ITPKB: variants seen among roughly 807,000 people sequenced by gnomAD.
ITPKB encodes inositol-trisphosphate 3-kinase B.
In ITPKB, 13 loss-of-function variants were observed where a neutral mutation model predicts 69.4. That is an observed-to-expected ratio of 0.19 (90% CI 0.12 to 0.30). The LOEUF is 0.30. Ranked by LOEUF, ITPKB falls within the 10% of genes least tolerant of loss-of-function variation. The probability of loss-of-function intolerance (pLI) is 1.00; values close to 1 mark genes in which losing one functional copy is unlikely to be tolerated. For missense variants in ITPKB, 1,240 were observed against 1,250.5 expected, an observed-to-expected ratio of 0.99 and a Z score of 0.13; for synonymous variants, 584 against 513.7, an observed-to-expected ratio of 1.14 and a Z score of -1.85.
chr1:226,671,972 A>G (rs550416327), intron 2 of ITPKB, among the ~76,000 whole-genome samples: 1 of 152,242 alleles, frequency 6.6e-6, no homozygotes, highest in South Asian at 2.1e-4. Flanking sequence ...TTGAGTGAGG[A>G]GTGTCATAGT....
In ITPKB at chr1:226,689,570, TG is replaced by T. The variant is rs1172438501; in HGVS notation, c.1933-40800del. Among the ~76,000 whole-genome samples the T allele has an allele frequency of 9.7e-3, 103 of 10,594 alleles. 1 individual carries two copies. Among genetic ancestry groups the T allele is most frequent in the South Asian group, 0.089 (36 of 406 alleles). The allele number at this position is 10,594 out of a possible 152,430, so 7.0% of individuals were successfully genotyped here. A position where few individuals can be genotyped will look rare whatever the true frequency, so the allele number is the denominator to read the frequency against. ...TTTTCCTTTGTCGGAAGGTTTTATT[TG>T]TGTGTGTGTGTGTGTGTGTGTGTGT... On this transcript the variant is annotated intron_variant, in intron 2 of 7. Transcript: ENST00000429204.
chr1:226,638,091 C>T (rs113370468), intron 6 of ITPKB, among the ~76,000 whole-genome samples: 22 of 152,338 alleles, frequency 1.4e-4, no homozygotes, highest in African/African-American at 5.1e-4. Context: ...CCCGGGCTGC[C>T]TTGGGAAGCT....
chr1:226,711,327 G>A lies in ITPKB; in HGVS notation c.1932+24200C>T, dbSNP rs145495150. On this transcript the variant is annotated intron_variant, in intron 2 of 7. Transcript: ENST00000429204. ...CTCCAGTTCGATATCCTCTTGAGAT[G>A]TTGCCAAGGTAAATAATTCCTTGCA... 2.0e-4 allele frequency among the ~76,000 whole-genome samples: 31 copies of A among 151,820 alleles called. No homozygotes were observed. The East Asian group carries it at 5.4e-3, about 27-fold the overall frequency.
At chr1:226,685,716 G>C (rs1656192166) in intron 2 of ITPKB, among the ~76,000 whole-genome samples, 2 of 152,346 alleles carry the variant, frequency 1.3e-5, no homozygotes, top group South Asian at 4.1e-4. Flanking sequence ...TGCTGGGCTG[G>C]AATGTTCAGC....
chr1:226,718,570 A>C (rs763536851), intron 2 of ITPKB, among the ~76,000 whole-genome samples: 13 of 152,130 alleles, frequency 8.5e-5, no homozygotes, highest in African/African-American at 3.1e-4. Context: ...CCTGCACCCC[A>C]ACCCGGGCAA....
At chr1:226,700,496 A>C (rs12723531) in intron 2 of ITPKB, among the ~76,000 whole-genome samples, 56 of 120,366 alleles carry the variant, frequency 4.7e-4, no homozygotes, top group African/African-American at 1.4e-3. Context: ...AAAAAAAAAA[A>C]CCCAGAACTT....
At position 226,632,518 on chromosome 1, in the gene ITPKB, A is replaced by AG. The variant is rs113989266; in HGVS notation, c.*2152_*2153insC. 2 of 117,982 alleles carry AG rather than the reference A, an allele frequency of 1.7e-5. No individual in the cohort carries two copies. Among genetic ancestry groups the AG allele is most frequent in the Admixed American group, 7.9e-5 (1 of 12,738 alleles). The allele number at this position is 117,982 out of a possible 1,614,324, so 7.3% of individuals were successfully genotyped here. A position where few individuals can be genotyped will look rare whatever the true frequency, so the allele number is the denominator to read the frequency against. On this transcript the variant is annotated 3_prime_UTR_variant, in exon 8 of 8. Coordinates refer to ENST00000429204, the MANE Select transcript of ITPKB (RefSeq NM_002221.4). ...TAGCACGGTAAATACAAAAAAAGAG[A>AG]AAAAAAAAACAGAAAACAAAAACCC... is the stretch of plus-strand genomic sequence containing the variant.
At chr1:226,714,321 C>T (rs1657044127) in intron 2 of ITPKB, among the ~76,000 whole-genome samples, 1 of 152,252 alleles carries the variant, frequency 6.6e-6, no homozygotes, top group South Asian at 2.1e-4. Flanking sequence ...GAGACCACAG[C>T]TGACCCAGAT....
chr1:226,634,715 C>G lies in ITPKB; in HGVS notation c.2797G>C (p.Val933Leu), dbSNP rs554325553. Reference sequence around the variant, plus strand: ...TGGGACATCTCGGTCAGGATGTCGACGAGGTTATTGAGCCCCGAGAGGTAG... The same window carrying G: ...TGGGACATCTCGGTCAGGATGTCGAGGAGGTTATTGAGCCCCGAGAGGTAG... ...DGYLSGLNNLVDILTEMSQDA... is the reference protein window; with the variant it reads ...DGYLSGLNNLLDILTEMSQDA... The change falls in exon 8 of 8, where the codon GTC (valine) becomes CTC (leucine). Residue 933 changes from valine to leucine, a missense_variant. Val to Leu is a conservative substitution (Grantham distance 32, BLOSUM62 1). Transcript: ENST00000429204. The surrounding 1 kb of genome is among the most constrained non-coding windows in gnomAD (Gnocchi z 6.3). The G allele has an allele frequency of 2.0e-6, 2 of 981,550 alleles. No homozygotes were observed. The highest frequency in any genetic ancestry group is 3.4e-5 in the Admixed American group (2 of 59,248). 60.8% of individuals were successfully genotyped at this position (981,550 alleles called of 1,614,324 possible).
intron 2 of ITPKB, among the ~76,000 whole-genome samples, chr1:226,716,990 G>A (rs1267059677): frequency 6.6e-6 from 1 of 152,158 alleles, no homozygotes; most frequent in East Asian, 1.9e-4. Context: ...CATACCGAGG[G>A]AGAAATAACC....
At chr1:226,674,736 C>T (rs1298198349) in intron 2 of ITPKB, among the ~76,000 whole-genome samples, 2 of 152,070 alleles carry the variant, frequency 1.3e-5, no homozygotes, top group African/African-American at 2.4e-5. Flanking sequence ...ATCCCCCATT[C>T]CCTTTCGATT....
intron 7 of ITPKB, among the ~76,000 whole-genome samples, chr1:226,636,145 G>A (rs1191891944): frequency 6.6e-6 from 1 of 152,226 alleles, no homozygotes. Context: ...TTGAGACAGA[G>A]CTCTGTGGCC....
rs76016711 is a variant in ITPKB at position 226,672,601 on chromosome 1, A to G, written c.1933-23830T>C. On this transcript the variant is annotated intron_variant, in intron 2 of 7. Coordinates refer to ENST00000429204, the MANE Select transcript of ITPKB (RefSeq NM_002221.4). ...CCACGGCTGTCTTTCGGTGTGAGGCATATGGCTTCTTCTCACTCCCACTCT... is the reference window on the plus strand; with the variant it reads ...CCACGGCTGTCTTTCGGTGTGAGGCGTATGGCTTCTTCTCACTCCCACTCT... 7.6e-3 allele frequency among the ~76,000 whole-genome samples: 1,152 copies of G among 152,338 alleles called. 49 individuals carry two copies. The highest frequency in any genetic ancestry group is 0.064 in the Admixed American group (981 of 15,310).
At chr1:226,718,660 T>C (rs553793006) in intron 2 of ITPKB, among the ~76,000 whole-genome samples, 77 of 152,284 alleles carry the variant, frequency 5.1e-4, no homozygotes, top group African/African-American at 1.6e-3. Flanking sequence ...TGGCCTTGCA[T>C]ACCTGCATAC....
chr1:226,700,394 G>A (rs1161463242), intron 2 of ITPKB, among the ~76,000 whole-genome samples: 3 of 144,348 alleles, frequency 2.1e-5, no homozygotes, highest in East Asian at 4.2e-4. Context: ...ACTTGAATCC[G>A]GGAGGCGGAG....
chr1:226,723,363 C>G (rs1019833170), intron 2 of ITPKB, among the ~76,000 whole-genome samples: 1 of 152,224 alleles, frequency 6.6e-6, no homozygotes, highest in East Asian at 1.9e-4. Flanking sequence ...TGAATGGACA[C>G]GTGACGGGCC....
intron 2 of ITPKB, among the ~76,000 whole-genome samples, chr1:226,726,500 G>A (rs1657417578): frequency 2.0e-5 from 3 of 152,066 alleles, no homozygotes; most frequent in Admixed American, 2.0e-4. Flanking sequence ...AACATAGCAA[G>A]AGATGTCTCT....
In ITPKB at chr1:226,736,881, T is replaced by C. The variant is rs1316075389; in HGVS notation, c.578A>G (p.Gln193Arg). ...SSQPPGRVLV[Q>R]GARSEERRTK... ...CCTCCGTTCCTCGCTCCGGGCGCCC[T>C]GAACCAGGACCCTTCCAGGGGGCTG... is the stretch of plus-strand genomic sequence containing the variant. Residue 193 changes from glutamine to arginine, a missense_variant, in exon 2 of 8, where the codon CAG becomes CGG. Around this residue, in one of 2 missense-constraint regions of ITPKB, gnomAD observed 992 missense variants for 853.8 expected, o/e 1.16. Transcript: ENST00000429204. 1 of 1,610,712 alleles carries C rather than the reference T, an allele frequency of 6.2e-7. No homozygotes were observed. The highest frequency in any genetic ancestry group is 8.5e-7 in the Non-Finnish European group (1 of 1,179,980).
chr1:226,649,424 AGT>A (rs34123591), intron 2 of ITPKB, among the ~76,000 whole-genome samples: 27,518 of 143,996 alleles, frequency 0.19, 2,590 homozygotes, highest in Middle Eastern at 0.31. Flanking sequence ...TATGTGCATG[AGT>A]GTGTGCGTAT....
Sources: allele counts gnomAD v4.1 joint callset (sites outside exome capture counted in the v4.1 genomes callset), GRCh38; gene constraint gnomAD v4.1.1; regional missense constraint gnomAD v4.1.1; non-coding constraint Gnocchi (gnomAD v3.1); transcripts MANE v1.5; gene names NCBI Gene and HGNC (gene_info 2026-07-23, HGNC 2026-07-21).